The following MED27 variants were observed in gnomAD, a reference collection of about 807,000 sequenced individuals.
MED27 encodes the protein mediator of RNA polymerase II transcription subunit 27.
Under a neutral mutation model 38.2 loss-of-function variants are expected in MED27, and 30 were observed. The observed-to-expected ratio is 0.79, with a 90% confidence interval of 0.59 to 1.07. The LOEUF (loss-of-function observed/expected upper bound fraction) is 1.07, where lower values mean the gene tolerates loss of function less well. Among genes scored for constraint, MED27 ranks in the 50% least tolerant of loss-of-function variants. The probability of loss-of-function intolerance (pLI) is 0.00; values close to 1 mark genes in which losing one functional copy is unlikely to be tolerated. For synonymous variants in MED27, 122 were observed against 153.5 expected (o/e 0.79, Z 1.52); for missense variants, 289 against 397.5 (o/e 0.73, Z 2.32).
At chr9:131,939,326 T>C (rs771445395) in intron 4 of MED27, 55 bp downstream of exon 4, 2 of 1,188,756 alleles carry the variant, frequency 1.7e-6, no homozygotes, top group Middle Eastern at 2.6e-4. Flanking sequence ...GAGAGTTAAT[T>C]GTGAAGTCCA....
At chr9:131,926,000 C>T (rs1040506852) in intron 4 of MED27, among the ~76,000 whole-genome samples, 2 of 152,212 alleles carry the variant, frequency 1.3e-5, no homozygotes, top group African/African-American at 4.8e-5. Flanking sequence ...AAGCAGGGAG[C>T]CCTCCTCCCA....
intron 3 of MED27, among the ~76,000 whole-genome samples, chr9:131,945,968 T>TAAAA (rs763561881): frequency 3.5e-5 from 4 of 114,314 alleles, no homozygotes; most frequent in African/African-American, 9.4e-5. Flanking sequence ...CCCTATCTCT[T>TAAAA]AAAAAAAAAA....
chr9:131,986,999 A>ATTTTTTTTTTTTTTTTTTTTTTTTT lies in MED27; in HGVS notation c.479+27313_479+27337dup, dbSNP rs66519112. ...CATGGGCCTTTCCTTGAGTTCATGG[A>ATTTTTTTTTTTTTTTTTTTTTTTTT]TTTTTTTTTTTTTTTTTTTTTTTTT... is the stretch of plus-strand genomic sequence containing the variant. On this transcript the variant is annotated intron_variant, in intron 3 of 7. Transcript: ENST00000292035. Among the ~76,000 whole-genome samples the ATTTTTTTTTTTTTTTTTTTTTTTTT allele has an allele frequency of 1.1e-4, 5 of 46,254 alleles. 1 individual carries two copies. The highest frequency in any genetic ancestry group is 1.9e-4 in the Non-Finnish European group (5 of 26,934). The allele number at this position is 46,254 out of a possible 152,430, so 30.3% of individuals were successfully genotyped here.
intron 4 of MED27, among the ~76,000 whole-genome samples, chr9:131,921,112 T>A (rs1323824858): frequency 1.3e-5 from 2 of 152,178 alleles, no homozygotes; most frequent in Non-Finnish European, 2.9e-5. Context: ...TATGCATGCT[T>A]ACAAATGTTA....
chr9:132,026,863 C>T (rs1352846216), intron 2 of MED27, among the ~76,000 whole-genome samples: 1 of 152,152 alleles, frequency 6.6e-6, no homozygotes, highest in Non-Finnish European at 1.5e-5. Context: ...TTAATCTGTA[C>T]AACCACCCTG....
intron 4 of MED27, among the ~76,000 whole-genome samples, chr9:131,927,144 T>C (rs1830497486): frequency 6.6e-6 from 1 of 152,204 alleles, no homozygotes; most frequent in African/African-American, 2.4e-5. Context: ...TGCTCATCTC[T>C]TCAAAGAACG....
intron 2 of MED27, among the ~76,000 whole-genome samples, chr9:132,075,494 C>T (rs1417220190): frequency 6.6e-6 from 1 of 152,198 alleles, no homozygotes; most frequent in South Asian, 2.1e-4. Context: ...GCATTTCCAG[C>T]ACAAGAAGTT....
chr9:131,868,908 A>G, intron 6 of MED27: 2 of 985,472 alleles, frequency 2.0e-6, no homozygotes, highest in Non-Finnish European at 2.4e-6. Flanking sequence ...AATTCACTAG[A>G]AAGTGTCCTC....
At position 131,872,112 on chromosome 9, in the gene MED27, T is replaced by C. The variant is rs140658711; in HGVS notation, c.724-8972A>G. On this transcript the variant is annotated intron_variant, in intron 6 of 7. Transcript: ENST00000292035. This position sits in a 1 kb window ranked among gnomAD's most constrained non-coding sequence, Gnocchi z 5.6. ...TGGAGGCTGACTGCTGGGAACCGCC[T>C]TCCAGCTCCTGGCTGGTGGACCAGG... Among the ~76,000 whole-genome samples the C allele has an allele frequency of 3.8e-3, 582 of 151,664 alleles. 2 individuals are homozygous for C. The highest frequency in any genetic ancestry group is 0.012 in the African/African-American group (485 of 40,976).
intron 3 of MED27, among the ~76,000 whole-genome samples, chr9:132,008,322 C>T (rs1832405247): frequency 6.6e-6 from 1 of 152,338 alleles, no homozygotes; most frequent in South Asian, 2.1e-4. Context: ...CCAGGCTGAT[C>T]CCAATCCTAT....
At chr9:131,914,937 A>G (rs546414962) in intron 4 of MED27, among the ~76,000 whole-genome samples, 38 of 152,370 alleles carry the variant, frequency 2.5e-4, no homozygotes, top group African/African-American at 7.5e-4. Flanking sequence ...GGACAACTCC[A>G]AGAATTCTGG....
intron 3 of MED27, among the ~76,000 whole-genome samples, chr9:131,949,322 TG>T (rs1830944415): frequency 6.6e-6 from 1 of 150,952 alleles, no homozygotes; most frequent in South Asian, 2.1e-4. Context: ...GGAGGGAGAG[TG>T]ACAGAGCAGG....
intron 2 of MED27, chr9:132,073,663 G>C (rs1445161725): frequency 6.7e-7 from 1 of 1,486,488 alleles, no homozygotes; most frequent in Admixed American, 2.7e-5. Context: ...ATTCTAATAA[G>C]AACAGTTCAG....
chr9:131,900,960 T>C (rs1589195347), intron 4 of MED27, among the ~76,000 whole-genome samples: 1 of 112,624 alleles, frequency 8.9e-6, no homozygotes, highest in Non-Finnish European at 1.7e-5. Flanking sequence ...AAAAAGAGGG[T>C]AAGGGAGAAG....
At chr9:131,984,534 C>A (rs192687606) in intron 3 of MED27, among the ~76,000 whole-genome samples, 467 of 152,256 alleles carry the variant, frequency 3.1e-3, no homozygotes, top group Non-Finnish European at 4.5e-3. Flanking sequence ...ATAATACACC[C>A]ATAAGAGAAC....
rs1838669991 is a variant in MED27, at chr9:131,862,571, G to A, written c.801+492C>T. Among the ~76,000 whole-genome samples, 1 of 152,204 alleles carries A rather than the reference G, an allele frequency of 6.6e-6. No homozygotes were observed. The highest frequency in any genetic ancestry group is 6.5e-5 in the Admixed American group (1 of 15,288). Reference sequence around the variant, plus strand: ...GTTTGATTTCAAACTAGTAGTGGTTGAAGAACCAGCTCGCAAGATACTGAA... The same window carrying A: ...GTTTGATTTCAAACTAGTAGTGGTTAAAGAACCAGCTCGCAAGATACTGAA... On this transcript the variant is annotated intron_variant, in intron 7 of 7. Transcript: ENST00000292035. The surrounding 1 kb of genome is among the most constrained non-coding windows in gnomAD (Gnocchi z 4.6).
chr9:131,991,257 AC>A lies in MED27; in HGVS notation c.479+23079del, dbSNP rs1466592267. Among the ~76,000 whole-genome samples, 4 of 152,248 alleles carry A rather than the reference AC, an allele frequency of 2.6e-5. No individual in the cohort carries two copies. In the South Asian group the frequency reaches 8.3e-4, roughly 32 times the overall value. On this transcript the variant is annotated intron_variant, in intron 3 of 7. Transcript: ENST00000292035. ...CTGTGAGAGAGAAATACTCTCAGAT[AC>A]AACTGCTCAGAACTTAATTTTAAAG...
chr9:131,963,582 C>T (rs906881916), intron 3 of MED27, among the ~76,000 whole-genome samples: 3 of 152,156 alleles, frequency 2.0e-5, no homozygotes, highest in Non-Finnish European at 2.9e-5. Flanking sequence ...TTCTCATTAG[C>T]AAAGGTTTCA....
chr9:131,901,864 C>T (rs1829954702), intron 4 of MED27, among the ~76,000 whole-genome samples: 1 of 152,162 alleles, frequency 6.6e-6, no homozygotes, highest in Non-Finnish European at 1.5e-5. Flanking sequence ...GGGATTCAGC[C>T]CAGGCAGTTG....
Sources: allele counts gnomAD v4.1 joint callset (sites outside exome capture counted in the v4.1 genomes callset), GRCh38; gene constraint gnomAD v4.1.1; non-coding constraint Gnocchi (gnomAD v3.1); transcripts MANE v1.5; gene names NCBI Gene and HGNC (gene_info 2026-07-23, HGNC 2026-07-21).